GEMIN8: variants seen among roughly 807,000 people sequenced by gnomAD.
GEMIN8 encodes gem-associated protein 8.
For missense variants in GEMIN8, 185 were observed against 205.9 expected (o/e 0.90, Z 0.62); for synonymous variants, 80 against 78.5 (o/e 1.02, Z -0.10).
chrX:14,020,639 T>G (rs1924252116), intron 3 of GEMIN8, 105 bp from the exon 4 acceptor site: 1 of 540,269 alleles, frequency 1.9e-6, no homozygotes, highest in Non-Finnish European at 3.0e-6. Flanking sequence ...TACTTAGTAT[T>G]TGCTAAATAC....
chrX:14,020,654 C>A (rs1452293698), intron 3 of GEMIN8, 120 bp from the exon 4 acceptor site: 78 of 425,708 alleles, frequency 1.8e-4, no homozygotes, highest in Middle Eastern at 4.8e-4. Flanking sequence ...AAATACCTAC[C>A]TACATGAGGA....
downstream of GEMIN8, among the ~76,000 whole-genome samples, chrX:14,004,835 T>C (rs1923088368): frequency 8.9e-6 from 1 of 111,771 alleles, no homozygotes; most frequent in Non-Finnish European, 1.9e-5. Flanking sequence ...AGTGCTGGGA[T>C]TACAGATATG....
chrX:13,998,450 G>T, the GEMIN8 span, among the ~76,000 whole-genome samples: 2 of 110,337 alleles, frequency 1.8e-5, no homozygotes, highest in African/African-American at 6.6e-5. Context: ...TTCACCCTTC[G>T]TGCTCTCTCT....
Position 14,020,530 on chromosome X carries a change from G to A in GEMIN8, c.20C>T (p.Ser7Leu). The stretch of plus-strand genomic sequence containing the variant: ...CCAAGGCCTGGTAGCTTTCGATGTT[G>A]ATGCCTACAAAATGAAAGGAGGTGG... MAAVKA[S>L]TSKATRPWYS... Residue 7 changes from serine to leucine, a missense_variant, in exon 4 of 5, where the codon TCA (serine) becomes TTA (leucine). By Grantham distance (145) the Ser-to-Leu change is moderately radical (BLOSUM62 -2). Coordinates refer to ENST00000680255, the MANE Select transcript of GEMIN8 (RefSeq NM_001042479.2). 6 of 1,156,929 alleles carry A rather than the reference G, an allele frequency of 5.2e-6. No homozygotes were observed. The highest frequency in any genetic ancestry group is 5.9e-6 in the Non-Finnish European group (5 of 847,092).
chrX:14,014,267 C>G, intron 4 of GEMIN8: 1 of 753,715 alleles, frequency 1.3e-6, no homozygotes, highest in Non-Finnish European at 1.6e-6. Context: ...AGGGAAAGCA[C>G]AAACTTGATG....
intron 2 of GEMIN8, among the ~76,000 whole-genome samples, chrX:14,025,537 C>T (rs766112523): frequency 8.1e-5 from 9 of 111,341 alleles, no homozygotes; most frequent in African/African-American, 1.3e-4. Flanking sequence ...AATCAGTAGA[C>T]GAACTTCACG....
chrX:14,003,700 C>T (rs1923046995), downstream of GEMIN8, among the ~76,000 whole-genome samples: 1 of 112,309 alleles, frequency 8.9e-6, no homozygotes, highest in African/African-American at 3.2e-5. Flanking sequence ...AAAATGCCTA[C>T]ATTCTGAAAC....
chrX:13,996,575 T>A, the GEMIN8 span, among the ~76,000 whole-genome samples: 3 of 111,541 alleles, frequency 2.7e-5, no homozygotes, highest in Non-Finnish European at 5.7e-5. Flanking sequence ...GAATTCAAGA[T>A]GAGAGTTGGG....
the GEMIN8 span, among the ~76,000 whole-genome samples, chrX:13,992,336 G>A: frequency 9.0e-6 from 1 of 111,696 alleles, no homozygotes; most frequent in South Asian, 3.8e-4. Context: ...CCCTGCTGTG[G>A]AGGCATTGCA....
At chrX:14,026,624 C>T (rs1437286225) in intron 1 of GEMIN8, among the ~76,000 whole-genome samples, 1 of 111,940 alleles carries the variant, frequency 8.9e-6, no homozygotes, top group Non-Finnish European at 1.9e-5. Flanking sequence ...ATCAAGTTAC[C>T]AAAAAATTTC....
downstream of GEMIN8, among the ~76,000 whole-genome samples, chrX:14,006,271 C>T (rs1340336808): frequency 1.8e-5 from 2 of 110,627 alleles, no homozygotes; most frequent in East Asian, 2.8e-4. Flanking sequence ...TCAGGCGATC[C>T]GCCCACCTTG....
the GEMIN8 span, among the ~76,000 whole-genome samples, chrX:13,992,243 T>A: frequency 8.9e-6 from 1 of 112,325 alleles, no homozygotes; most frequent in Non-Finnish European, 1.9e-5. Context: ...CTCCACACCT[T>A]ATTCTGACTC....
the GEMIN8 span, among the ~76,000 whole-genome samples, chrX:13,990,043 G>A: frequency 8.9e-6 from 1 of 112,553 alleles, no homozygotes; most frequent in East Asian, 2.8e-4. Flanking sequence ...TGGCTGTTGG[G>A]CACCTGAAAT....
At chrX:14,029,094 G>A (rs1380448497) in intron 1 of GEMIN8, among the ~76,000 whole-genome samples, 1 of 111,842 alleles carries the variant, frequency 8.9e-6, no homozygotes, top group African/African-American at 3.3e-5. Context: ...TCTGTACTAA[G>A]GGAACATCAA....
chrX:14,014,024 G>GA (rs1297206536), intron 4 of GEMIN8: 503 of 695,689 alleles, frequency 7.2e-4, no homozygotes, highest in East Asian at 1.3e-3. Context: ...GTCCATAAAG[G>GA]AAAAAAAAAA....
intron 4 of GEMIN8, among the ~76,000 whole-genome samples, chrX:14,015,400 G>A (rs1923839128): frequency 8.9e-6 from 1 of 112,454 alleles, no homozygotes; most frequent in Non-Finnish European, 1.9e-5. Flanking sequence ...TTTAAGTAAC[G>A]GAAATATCTT....
At chrX:14,020,624 GTATT>G in intron 3 of GEMIN8, 90 bp from the exon 4 acceptor site, 1 of 604,450 alleles carries the variant, frequency 1.7e-6, no homozygotes. Context: ...TACCCAACAG[GTATT>G]TACTTAGTAT....
intron 2 of GEMIN8, among the ~76,000 whole-genome samples, chrX:14,025,101 T>C (rs757499610): frequency 1.5e-4 from 17 of 112,001 alleles, no homozygotes; most frequent in African/African-American, 5.5e-4. Context: ...ATTAACCAAT[T>C]TGAATAATTG....
Position 14,020,511 on chromosome X carries a change from C to T in GEMIN8, c.39G>A (p.Arg13=), listed in dbSNP as rs774210916. 3.4e-6 allele frequency: 4 copies of T among 1,192,547 alleles called. No homozygotes were observed. The highest frequency in any genetic ancestry group is 4.6e-6 in the Non-Finnish European group (4 of 878,725). Reference sequence around the variant, plus strand: ...CATATACCGGATGAGAATACCAAGGCCTGGTAGCTTTCGATGTTGATGCCT... The same window carrying T: ...CATATACCGGATGAGAATACCAAGGTCTGGTAGCTTTCGATGTTGATGCCT... ...AVKASTSKAT[R]PWYSHPVYAR... Residue 13 remains arginine (R), a synonymous_variant, in exon 4 of 5, where the codon AGG becomes AGA. Transcript: ENST00000680255.
Sources: gnomAD v4.1 joint callset for allele counts (sites outside exome capture counted in the v4.1 genomes callset) on GRCh38, gnomAD v4.1.1 for gene constraint, MANE v1.5 for transcripts, NCBI Gene and HGNC (gene_info 2026-07-23, HGNC 2026-07-21) for gene names.